Variants in KCNMB2 observed in about 807,000 individuals in gnomAD.
The protein encoded by KCNMB2 is calcium-activated potassium channel subunit beta-2.
Under a neutral mutation model 24.5 loss-of-function variants are expected in KCNMB2, and 9 were observed. That is an observed-to-expected ratio of 0.37 (90% CI 0.22 to 0.64). The LOEUF (loss-of-function observed/expected upper bound fraction) is 0.64, where lower values mean the gene tolerates loss of function less well. KCNMB2 is among the 30% of genes least tolerant of loss of function. The probability of loss-of-function intolerance (pLI) is 0.63; values close to 1 mark genes in which losing one functional copy is unlikely to be tolerated. For missense variants in KCNMB2, 226 were observed against 284.3 expected (o/e 0.79, Z 1.47); for synonymous variants, 109 against 104.4 (o/e 1.04, Z -0.27).
rs577692357 is a variant in KCNMB2, at chr3:178,721,088, C to T, written c.-67-86255C>T. On this transcript the variant is annotated intron_variant, in intron 1 of 4. Transcript: ENST00000452583. Reference sequence around the variant, plus strand: ...GAATGGTAATGCCTAGGTTTTCTTCCGGGGTTTTTATGGTTTTAGGTCTAA... The same window carrying T: ...GAATGGTAATGCCTAGGTTTTCTTCTGGGGTTTTTATGGTTTTAGGTCTAA... Among the ~76,000 whole-genome samples, 351 of 152,114 alleles carry T rather than the reference C, an allele frequency of 2.3e-3. 3 individuals are homozygous for T. The highest frequency in any genetic ancestry group is 2.2e-3 in the Non-Finnish European group (149 of 67,988).
chr3:178,655,095 CCTCTCTCTCTCTCTCTCTCT>C lies in KCNMB2; in HGVS notation c.-68+118413_-68+118432del, dbSNP rs67468527. 8.6e-3 allele frequency among the ~76,000 whole-genome samples: 960 copies of C among 111,168 alleles called. 9 individuals are homozygous for C. Among genetic ancestry groups the C allele is most frequent in the African/African-American group, 0.032 (928 of 28,662 alleles). The allele number at this position is 111,168 out of a possible 152,430, so 72.9% of individuals were successfully genotyped here. On this transcript the variant is annotated intron_variant, in intron 1 of 4. Coordinates refer to ENST00000452583, the MANE Select transcript of KCNMB2 (RefSeq NM_181361.3). ...TAAAGTTCAGTAAATATTAGCTCTC[CCTCTCTCTCTCTCTCTCTCT>C]CTCTCTCTCTCTCTCTCTCTCTCTC...
intron 1 of KCNMB2, among the ~76,000 whole-genome samples, chr3:178,734,914 G>A (rs1577136078): frequency 6.6e-6 from 1 of 152,132 alleles, no homozygotes; most frequent in African/African-American, 2.4e-5. Context: ...CCTTATTCTT[G>A]TATGCCAGCT....
chr3:178,594,942 C>T (rs750254145), intron 1 of KCNMB2, among the ~76,000 whole-genome samples: 8 of 150,156 alleles, frequency 5.3e-5, no homozygotes, highest in Non-Finnish European at 1.0e-4. Flanking sequence ...TCCAATGACA[C>T]ACTACTAATG....
At chr3:178,786,193 T>C (rs935023577) in intron 1 of KCNMB2, among the ~76,000 whole-genome samples, 3 of 152,146 alleles carry the variant, frequency 2.0e-5, no homozygotes, top group African/African-American at 7.2e-5. Flanking sequence ...AGGAATAGAA[T>C]TTTACACATA....
chr3:178,813,012 G>C (rs1714256157), intron 2 of KCNMB2, among the ~76,000 whole-genome samples: 1 of 152,026 alleles, frequency 6.6e-6, no homozygotes, highest in Non-Finnish European at 1.5e-5. Flanking sequence ...AAACTCTAGG[G>C]ATTTTTATTA....
intron 1 of KCNMB2, among the ~76,000 whole-genome samples, chr3:178,571,632 G>A (rs1716803387): frequency 6.6e-6 from 1 of 151,660 alleles, no homozygotes; most frequent in Admixed American, 6.6e-5. Flanking sequence ...TGTCATCTAG[G>A]TTTTAAGCCC....
At position 178,671,470 on chromosome 3, in the gene KCNMB2, A is replaced by G. The variant is rs116662334; in HGVS notation, c.-68+134759A>G. Among the ~76,000 whole-genome samples the G allele has an allele frequency of 8.8e-3, 1,344 of 152,286 alleles. 26 individuals are homozygous for G. The highest frequency in any genetic ancestry group is 0.031 in the African/African-American group (1,288 of 41,560). The stretch of plus-strand genomic sequence containing the variant: ...CTGCCCACACATGACAGGTGCTCCC[A>G]TCTGCCTGGCAGAGCAAATGAGCAG... On this transcript the variant is annotated intron_variant, in intron 1 of 4. Coordinates refer to ENST00000452583, the MANE Select transcript of KCNMB2 (RefSeq NM_181361.3).
Position 178,842,912 on chromosome 3 carries a change from A to G in KCNMB2, c.683A>G (p.Glu228Gly). ...KLTQYLSLLC[E>G]RIQRINR is the part of the protein sequence containing the mutation. ...ACACAGTACCTCTCCCTACTATGTG[A>G]GAGGATCCAACGGATCAATAGATAA... Residue 228 changes from glutamate (E) to glycine (G), a missense_variant, in exon 5 of 5, where the codon GAG (glutamate) becomes GGG (glycine). Coordinates refer to ENST00000452583, the MANE Select transcript of KCNMB2 (RefSeq NM_181361.3). The G allele has an allele frequency of 4.3e-6, 7 of 1,612,996 alleles. No homozygotes were observed. Among genetic ancestry groups the G allele is most frequent in the Non-Finnish European group, 5.9e-6 (7 of 1,179,252 alleles).
At chr3:178,601,601 T>C (rs1718086499) in intron 1 of KCNMB2, among the ~76,000 whole-genome samples, 1 of 152,202 alleles carries the variant, frequency 6.6e-6, no homozygotes, top group Admixed American at 6.5e-5. Context: ...TCCTGGCCTT[T>C]CCTCAGGAGG....
rs779318243 is a variant in KCNMB2 at position 178,825,690 on chromosome 3, T to A, written c.159T>A (p.Ala53=). The change falls in exon 3 of 5, where the codon GCT becomes GCA. Residue 53 remains alanine (A), a synonymous_variant. Transcript: ENST00000452583. ...ACCGAGCTATTCTCCTGGGACTGGC[T>A]ATGATGGTGTGCTCCATCATGATGT... ...GEDRAILLGL[A]MMVCSIMMYF... 1.2e-6 allele frequency: 2 copies of A among 1,613,868 alleles called. No individual in the cohort carries two copies. Among genetic ancestry groups the A allele is most frequent in the African/African-American group, 1.3e-5 (1 of 75,038 alleles).
chr3:178,835,380 G>T (rs1241872337), intron 4 of KCNMB2, among the ~76,000 whole-genome samples: 1 of 152,166 alleles, frequency 6.6e-6, no homozygotes, highest in African/African-American at 2.4e-5. Flanking sequence ...TTAAAAAAGT[G>T]ACAGTAAAGA....
At chr3:178,722,548 A>G (rs1722840984) in intron 1 of KCNMB2, among the ~76,000 whole-genome samples, 1 of 152,146 alleles carries the variant, frequency 6.6e-6, no homozygotes, top group Non-Finnish European at 1.5e-5. Context: ...AGAGATAACG[A>G]CATTAATCTA....
At chr3:178,602,714 A>G in intron 1 of KCNMB2, among the ~76,000 whole-genome samples, 1 of 152,120 alleles carries the variant, frequency 6.6e-6, no homozygotes, top group East Asian at 1.9e-4. Context: ...ACTGTAGCTT[A>G]GTAGGACAAG....
intron 1 of KCNMB2, among the ~76,000 whole-genome samples, chr3:178,682,087 C>T (rs1449067349): frequency 6.6e-6 from 1 of 152,180 alleles, no homozygotes; most frequent in East Asian, 1.9e-4. Flanking sequence ...GGTAAGTCCC[C>T]AGTACCCCTG....
intron 1 of KCNMB2, among the ~76,000 whole-genome samples, chr3:178,689,967 C>T (rs1261052413): frequency 6.6e-6 from 1 of 152,058 alleles, no homozygotes; most frequent in Non-Finnish European, 1.5e-5. Context: ...GTGTAATTGA[C>T]ATTTTATGCA....
intron 1 of KCNMB2, among the ~76,000 whole-genome samples, chr3:178,642,075 T>C (rs545441934): frequency 5.3e-5 from 8 of 152,166 alleles, no homozygotes; most frequent in Admixed American, 2.0e-4. Context: ...TGTAATAATA[T>C]ACAGCAGTTT....
At chr3:178,600,274 T>C (rs909064151) in intron 1 of KCNMB2, among the ~76,000 whole-genome samples, 1 of 152,232 alleles carries the variant, frequency 6.6e-6, no homozygotes, top group Non-Finnish European at 1.5e-5. Flanking sequence ...GAATATTCCA[T>C]TGTGTATATA....
intron 2 of KCNMB2, among the ~76,000 whole-genome samples, chr3:178,819,312 C>T (rs1714532239): frequency 6.6e-6 from 1 of 152,142 alleles, no homozygotes; most frequent in South Asian, 2.1e-4. Flanking sequence ...CACTGTAACC[C>T]TACACAGTTC....
chr3:178,670,571 A>C (rs1720866953), intron 1 of KCNMB2, among the ~76,000 whole-genome samples: 1 of 152,126 alleles, frequency 6.6e-6, no homozygotes, highest in Non-Finnish European at 1.5e-5. Flanking sequence ...TTCAACTCCT[A>C]AGAGGGCTGC....
Sources: allele counts gnomAD v4.1 joint callset (sites outside exome capture counted in the v4.1 genomes callset), GRCh38; gene constraint gnomAD v4.1.1; transcripts MANE v1.5; gene names NCBI Gene and HGNC (gene_info 2026-07-23, HGNC 2026-07-21).